GTF3C2: variants seen among roughly 807,000 people sequenced by gnomAD.
GTF3C2 encodes the protein general transcription factor IIIC subunit 2, also known as general transcription factor 3C polypeptide 2.
Under a neutral mutation model 117.4 loss-of-function variants are expected in GTF3C2, and 17 were observed. The observed-to-expected ratio is 0.14, with a 90% CI of 0.10 to 0.22. The LOEUF is 0.22. GTF3C2 is among the 10% of genes least tolerant of loss of function. GTF3C2 has a pLI of 1.00. For synonymous variants in GTF3C2, 437 were observed against 427.0 expected (o/e 1.02, Z -0.29); for missense variants, 888 against 1,143.6 (o/e 0.78, Z 3.22).
chr2:27,335,319 C>A (rs1200748897), intron 10 of GTF3C2: 2 of 574,568 alleles, frequency 3.5e-6, no homozygotes, highest in East Asian at 8.3e-5. Context: ...CTTTACACAG[C>A]CAGTTACCTG....
At chr2:27,344,605 T>G (rs1231803619) in intron 1 of GTF3C2, among the ~76,000 whole-genome samples, 1 of 152,126 alleles carries the variant, frequency 6.6e-6, no homozygotes, top group Non-Finnish European at 1.5e-5. Flanking sequence ...TGCCAGATAC[T>G]ACAAAATTTA....
At chr2:27,335,346 A>G (rs770171354) in intron 10 of GTF3C2, 2 of 623,460 alleles carry the variant, frequency 3.2e-6, no homozygotes, top group Admixed American at 4.3e-5. Context: ...CAAGAGGGGG[A>G]AAGTCTTGAG....
At chr2:27,340,182 C>A (rs1166732734) in intron 4 of GTF3C2, 3 of 151,756 alleles carry the variant, frequency 2.0e-5, no homozygotes, top group African/African-American at 7.3e-5. Flanking sequence ...CTTACATATT[C>A]CATTATGTGA....
In GTF3C2 at chr2:27,328,451, G is replaced by T. The variant is rs1680164085; in HGVS notation, c.2256+17C>A. 1.2e-6 allele frequency: 2 copies of T among 1,613,384 alleles called. No homozygotes were observed. Among genetic ancestry groups the T allele is most frequent in the South Asian group, 2.2e-5 (2 of 91,058 alleles). ...GGTTAGGATCCAACAGCTGCTGTTA[G>T]ATGTTCGTATACGTACAAATCTTCG... On this transcript the variant is annotated intron_variant, in intron 16 of 18. Transcript: ENST00000264720.
At chr2:27,341,643 C>T in intron 4 of GTF3C2, 1 of 280,108 alleles carries the variant, frequency 3.6e-6, no homozygotes, top group Non-Finnish European at 6.7e-6. Context: ...TCATTTTGTT[C>T]ACTCCTGGGG....
At chr2:27,332,426 T>C (rs1184120171) in intron 12 of GTF3C2, among the ~76,000 whole-genome samples, 2 of 152,012 alleles carry the variant, frequency 1.3e-5, no homozygotes, top group Non-Finnish European at 2.9e-5. Flanking sequence ...TTTTTAGTTT[T>C]TTTTTTGAGA....
chr2:27,333,532 C>A, intron 12 of GTF3C2, 123 bp downstream of exon 12: 12 of 560,518 alleles, frequency 2.1e-5, no homozygotes, highest in South Asian at 1.1e-4. Context: ...TTTTTTTTTA[C>A]ATTGCTTGAA....
intron 4 of GTF3C2, chr2:27,339,476 T>A (rs1036156570): frequency 6.6e-6 from 1 of 152,028 alleles, no homozygotes; most frequent in South Asian, 2.1e-4. Flanking sequence ...ATTTTGATAT[T>A]TTGTTCATCA....
chr2:27,353,812 C>T (rs1413322459), intron 1 of GTF3C2, among the ~76,000 whole-genome samples: 1 of 152,092 alleles, frequency 6.6e-6, no homozygotes, highest in Non-Finnish European at 1.5e-5. Context: ...ACCTTGACCT[C>T]CTGGGCCCAA....
intron 4 of GTF3C2, among the ~76,000 whole-genome samples, chr2:27,341,028 G>GTT (rs934058948): frequency 2.0e-4 from 30 of 150,598 alleles, no homozygotes; most frequent in African/African-American, 7.2e-4. Context: ...TGAATTGTGT[G>GTT]TTTTGTTTTG....
intron 12 of GTF3C2, 92 bp downstream of exon 12, chr2:27,333,556 ATGTCCAG>A: frequency 1.4e-6 from 1 of 694,674 alleles, no homozygotes; most frequent in Non-Finnish European, 2.5e-6. Flanking sequence ...TTCTAACTAT[ATGTCCAG>A]TATTGAACCA....
intron 1 of GTF3C2, among the ~76,000 whole-genome samples, chr2:27,355,280 T>C (rs898419790): frequency 6.6e-6 from 1 of 152,102 alleles, no homozygotes; most frequent in Non-Finnish European, 1.5e-5. Flanking sequence ...CCCAGCACTT[T>C]AGGAGGCCGA....
At chr2:27,351,853 G>T (rs1047732847) in intron 1 of GTF3C2, among the ~76,000 whole-genome samples, 1 of 152,104 alleles carries the variant, frequency 6.6e-6, no homozygotes, top group South Asian at 2.1e-4. Context: ...AATGCCACTT[G>T]CAGACCAACA....
chr2:27,341,648 C>A, intron 4 of GTF3C2: 1 of 344,578 alleles, frequency 2.9e-6, no homozygotes, highest in Non-Finnish European at 5.4e-6. Context: ...TTGTTCACTC[C>A]TGGGGTAGTG....
chr2:27,328,528 A>G, exon 16 of GTF3C2: 1 of 1,606,674 alleles, frequency 6.2e-7, no homozygotes, highest in Non-Finnish European at 8.5e-7. Flanking sequence ...CTGGTAATAT[A>G]GCAGCAATGA....
chr2:27,338,671 G>A (rs1680598054), intron 4 of GTF3C2, among the ~76,000 whole-genome samples: 1 of 151,810 alleles, frequency 6.6e-6, no homozygotes, highest in South Asian at 2.1e-4. Flanking sequence ...TGAGTAGCTG[G>A]GACTACAGGC....
chr2:27,349,144 ATTT>A (rs36040548), intron 1 of GTF3C2, among the ~76,000 whole-genome samples: 2,102 of 39,120 alleles, frequency 0.054, 64 homozygotes, highest in African/African-American at 0.13. Flanking sequence ...GCCTGATTTG[ATTT>A]TTTTTTTTTT....
chr2:27,337,375 GGA>G (rs766659076), intron 6 of GTF3C2, 33 bp from the exon 7 acceptor site: 2 of 1,531,474 alleles, frequency 1.3e-6, no homozygotes, highest in Non-Finnish European at 1.8e-6. Flanking sequence ...GTCTAAATTT[GGA>G]AGTGTTTCAC....
chr2:27,332,296 C>G (rs536112132), intron 12 of GTF3C2, among the ~76,000 whole-genome samples: 46 of 152,190 alleles, frequency 3.0e-4, no homozygotes, highest in Middle Eastern at 3.4e-3. Flanking sequence ...CAGGTGTGAG[C>G]CACCATGCCT....
Sources: gnomAD v4.1 joint callset for allele counts (sites outside exome capture counted in the v4.1 genomes callset) on GRCh38, gnomAD v4.1.1 for gene constraint, MANE v1.5 for transcripts, NCBI Gene and HGNC (gene_info 2026-07-23, HGNC 2026-07-21) for gene names.